Variants in SFMBT2 observed in about 807,000 individuals in gnomAD.
SFMBT2 encodes the protein Scm like with four mbt domains 2, also known as scm-like with four MBT domains protein 2.
Under a neutral mutation model 110.1 loss-of-function variants are expected in SFMBT2, and 38 were observed. The observed-to-expected ratio is 0.35, with a 90% confidence interval of 0.27 to 0.45. SFMBT2 has a LOEUF of 0.45. Ranked by LOEUF, SFMBT2 falls within the 20% of genes least tolerant of loss-of-function variation. SFMBT2 has a pLI of 1.00. For missense variants in SFMBT2, 1,011 were observed against 1,094.9 expected (o/e 0.92, Z 1.08); for synonymous variants, 425 against 425.4 (o/e 1.00, Z 0.01).
intron 4 of SFMBT2, among the ~76,000 whole-genome samples, chr10:7,364,159 A>G (rs1641718123): frequency 6.6e-6 from 1 of 152,196 alleles, no homozygotes; most frequent in South Asian, 2.1e-4. Context: ...TGCCCCATGA[A>G]CCTGCTATTT....
At chr10:7,187,721 C>T (rs114532354) in intron 16 of SFMBT2, among the ~76,000 whole-genome samples, 3,336 of 152,216 alleles carry the variant, frequency 0.022, 113 homozygotes, top group African/African-American at 0.076. Flanking sequence ...AAAATATTAC[C>T]GATCATACAA....
In SFMBT2 at chr10:7,159,274, C is replaced by T. The variant is rs753094930; in HGVS notation, c.*4496G>A. On this transcript the variant is annotated 3_prime_UTR_variant, in exon 21 of 21. Transcript: ENST00000397167. Reference sequence around the variant, plus strand: ...TCATTGAAACTAGAGAGGTTTTAAACCAAAATTCAAGGCAGTACTCTGTCA... The same window carrying T: ...TCATTGAAACTAGAGAGGTTTTAAATCAAAATTCAAGGCAGTACTCTGTCA... 1.4e-4 allele frequency: 21 copies of T among 152,044 alleles called. No homozygotes were observed. The highest frequency in any genetic ancestry group is 2.4e-4 in the Non-Finnish European group (16 of 68,010). 9.4% of individuals were successfully genotyped at this position (152,044 alleles called of 1,614,324 possible). A position where few individuals can be genotyped will look rare whatever the true frequency, so the allele number is the denominator to read the frequency against.
intron 4 of SFMBT2, among the ~76,000 whole-genome samples, chr10:7,315,087 A>AGAAG (rs1554802906): frequency 6.8e-6 from 1 of 146,364 alleles, no homozygotes; most frequent in Non-Finnish European, 1.5e-5. Flanking sequence ...AAAGAAAGAA[A>AGAAG]GAAAGAAAGA....
intron 4 of SFMBT2, among the ~76,000 whole-genome samples, chr10:7,312,009 T>C (rs1842870191): frequency 6.6e-6 from 1 of 151,790 alleles, no homozygotes; most frequent in Non-Finnish European, 1.5e-5. Flanking sequence ...TTCTCACTCA[T>C]AGGTGGGAAT....
In SFMBT2 at chr10:7,162,044, G is replaced by GCAC. The variant is rs1837563295; in HGVS notation, c.*1725_*1726insGTG. 1.3e-5 allele frequency: 2 copies of GCAC among 152,222 alleles called. No homozygotes were observed. The highest frequency in any genetic ancestry group is 2.9e-5 in the Non-Finnish European group (2 of 68,084). 9.4% of individuals were successfully genotyped at this position (152,222 alleles called of 1,614,324 possible). A position where few individuals can be genotyped will look rare whatever the true frequency, so the allele number is the denominator to read the frequency against. ...AGGCATCTTGGCAGCCACCACAGCG[G>GCAC]AACACTGTAGTCCACAGGGTCTGAG... On this transcript the variant is annotated 3_prime_UTR_variant, in exon 21 of 21. Transcript: ENST00000397167.
At chr10:7,196,520 G>A (rs975693313) in intron 15 of SFMBT2, among the ~76,000 whole-genome samples, 1 of 152,128 alleles carries the variant, frequency 6.6e-6, no homozygotes, top group Non-Finnish European at 1.5e-5. Context: ...TCTCTCGGAC[G>A]CCCAACTGTA....
At chr10:7,398,970 T>C (rs1845998365) in intron 1 of SFMBT2, among the ~76,000 whole-genome samples, 1 of 152,196 alleles carries the variant, frequency 6.6e-6, no homozygotes, top group Admixed American at 6.5e-5. Context: ...TCTGGGTGGA[T>C]TTTAAGAATT....
At chr10:7,337,968 C>G (rs552016775) in intron 4 of SFMBT2, among the ~76,000 whole-genome samples, 31 of 152,358 alleles carry the variant, frequency 2.0e-4, no homozygotes, top group Non-Finnish European at 3.8e-4. Flanking sequence ...GCAAACTCTG[C>G]TGCACATCTG....
chr10:7,164,045 G>A (rs2131505034), intron 20 of SFMBT2, 135 bp from the exon 21 acceptor site: 2 of 1,383,974 alleles, frequency 1.4e-6, no homozygotes, highest in Non-Finnish European at 9.3e-7. Flanking sequence ...GGGATTGTTG[G>A]TAGAGATACC....
chr10:7,370,204 G>A (rs1845023414), intron 3 of SFMBT2, 77 bp downstream of exon 3: 1 of 1,327,674 alleles, frequency 7.5e-7, no homozygotes. Flanking sequence ...CTTCCATTGA[G>A]TTCTCCGGCT....
At chr10:7,400,089 C>T (rs149273590) in intron 1 of SFMBT2, among the ~76,000 whole-genome samples, 89 of 152,210 alleles carry the variant, frequency 5.8e-4, no homozygotes, top group African/African-American at 2.1e-3. Context: ...TCTCTGGTCC[C>T]AGAGCCTGCA....
chr10:7,376,097 C>T (rs17335655), intron 2 of SFMBT2, among the ~76,000 whole-genome samples: 2,273 of 152,248 alleles, frequency 0.015, 27 homozygotes, highest in Middle Eastern at 0.024. Context: ...AATTTCACGT[C>T]GCAAGCCTGT....
intron 2 of SFMBT2, among the ~76,000 whole-genome samples, chr10:7,374,962 A>G (rs1845160423): frequency 6.6e-6 from 1 of 152,240 alleles, no homozygotes; most frequent in African/African-American, 2.4e-5. Context: ...ATAAACCCAG[A>G]GCAAATATTT....
At chr10:7,361,030 A>T (rs1344611665) in intron 4 of SFMBT2, among the ~76,000 whole-genome samples, 1 of 152,220 alleles carries the variant, frequency 6.6e-6, no homozygotes, top group Non-Finnish European at 1.5e-5. Context: ...GTTTATTTAC[A>T]GACATACTTG....
chr10:7,178,279 C>T (rs1299237804), intron 16 of SFMBT2, among the ~76,000 whole-genome samples: 12 of 152,168 alleles, frequency 7.9e-5, no homozygotes, highest in Non-Finnish European at 1.8e-4. Context: ...CCTCCTTAAG[C>T]ACTTGTCTCT....
chr10:7,288,160 A>T (rs999224817), intron 4 of SFMBT2, among the ~76,000 whole-genome samples: 20 of 152,238 alleles, frequency 1.3e-4, no homozygotes, highest in African/African-American at 4.3e-4. Flanking sequence ...CCAAGATACA[A>T]GCCAAGCAGT....
chr10:7,349,303 T>C (rs890801938), intron 4 of SFMBT2, among the ~76,000 whole-genome samples: 1 of 151,986 alleles, frequency 6.6e-6, no homozygotes, highest in Admixed American at 6.6e-5. Context: ...CCCCCAGGAA[T>C]TTCATCCCAA....
intron 15 of SFMBT2, among the ~76,000 whole-genome samples, chr10:7,196,981 A>G (rs1302553502): frequency 6.6e-6 from 1 of 152,200 alleles, no homozygotes; most frequent in Non-Finnish European, 1.5e-5. Context: ...ACAGCCTCCA[A>G]GTGATGGGCC....
intron 9 of SFMBT2, among the ~76,000 whole-genome samples, chr10:7,231,215 C>T (rs1840105355): frequency 1.3e-5 from 2 of 152,198 alleles, no homozygotes; most frequent in Non-Finnish European, 2.9e-5. Context: ...ATGATCCCAT[C>T]TGTCTGGGGT....
Sources: gnomAD v4.1 joint callset for allele counts (sites outside exome capture counted in the v4.1 genomes callset) on GRCh38, gnomAD v4.1.1 for gene constraint, MANE v1.5 for transcripts, NCBI Gene and HGNC (gene_info 2026-07-23, HGNC 2026-07-21) for gene names.